Variants in ILRUN observed in about 807,000 individuals in gnomAD.
The protein encoded by ILRUN is protein ILRUN.
Under a neutral mutation model 33.8 loss-of-function variants are expected in ILRUN, and 3 were observed. That is an observed-to-expected ratio of 0.09 (90% CI 0.04 to 0.23). The LOEUF (loss-of-function observed/expected upper bound fraction) is 0.23. ILRUN is among the 10% of genes least tolerant of loss of function. The pLI, the probability that ILRUN is intolerant of heterozygous loss-of-function variation, is 1.00. For missense variants in ILRUN, 210 were observed against 375.1 expected, an observed-to-expected ratio of 0.56 and a Z score of 3.64; for synonymous variants, 124 against 138.9, an observed-to-expected ratio of 0.89 and a Z score of 0.75.
At chr6:34,638,183 G>A (rs1041269668) in intron 3 of ILRUN, among the ~76,000 whole-genome samples, 4 of 151,618 alleles carry the variant, frequency 2.6e-5, no homozygotes, top group African/African-American at 7.3e-5. Context: ...CCACCATGCC[G>A]GGCCTTCATA....
intron 2 of ILRUN, among the ~76,000 whole-genome samples, chr6:34,647,329 A>T (rs983531967): frequency 1.3e-5 from 2 of 152,218 alleles, no homozygotes; most frequent in Non-Finnish European, 2.9e-5. Flanking sequence ...TCTGGGGTCC[A>T]TAACTATAAA....
chr6:34,616,967 G>C, intron 3 of ILRUN: 1 of 558,910 alleles, frequency 1.8e-6, no homozygotes, highest in Middle Eastern at 5.1e-4. Context: ...GTCAGTAAAT[G>C]AACTAATCTA....
chr6:34,606,412 T>C (rs779774390), intron 4 of ILRUN, 143 bp downstream of exon 4: 3 of 621,356 alleles, frequency 4.8e-6, no homozygotes, highest in South Asian at 2.1e-5. Context: ...AGCTTTTGCA[T>C]TGTTGCTATT....
Position 34,590,468 on chromosome 6 carries a change from G to C in ILRUN, c.*97C>G. The C allele has an allele frequency of 6.3e-7, 1 of 1,577,368 alleles. No individual in the cohort carries two copies. The highest frequency in any genetic ancestry group is 8.7e-7 in the Non-Finnish European group (1 of 1,154,146). On this transcript the variant is annotated 3_prime_UTR_variant, in exon 5 of 5. Transcript: ENST00000374023. ...GAGAGGGGGTCAGAGCCAGGGGTCT[G>C]TGCGATGTGGTCTGCAATCCAGAGG...
At chr6:34,605,578 G>A (rs1268375897) in intron 4 of ILRUN, among the ~76,000 whole-genome samples, 2 of 152,102 alleles carry the variant, frequency 1.3e-5, no homozygotes, top group Admixed American at 6.5e-5. Context: ...GCAGTCAGCC[G>A]AGATTGTGTC....
intron 1 of ILRUN, among the ~76,000 whole-genome samples, chr6:34,690,624 C>A (rs1763627321): frequency 6.6e-6 from 1 of 151,882 alleles, no homozygotes; most frequent in Non-Finnish European, 1.5e-5. Flanking sequence ...AAAATATGAA[C>A]CCATTAAATT....
chr6:34,594,017 A>G (rs1561994209), intron 4 of ILRUN, among the ~76,000 whole-genome samples: 1 of 152,160 alleles, frequency 6.6e-6, no homozygotes, highest in Admixed American at 6.5e-5. Flanking sequence ...TGGAGTTCTA[A>G]GACCTGGTGT....
chr6:34,635,561 AAGGAAGGG>A (rs1441972416), intron 3 of ILRUN, among the ~76,000 whole-genome samples: 5 of 130,130 alleles, frequency 3.8e-5, no homozygotes, highest in African/African-American at 1.4e-4. Flanking sequence ...GGAAGGAAGG[AAGGAAGGG>A]AGGGAGGGAG....
intron 3 of ILRUN, among the ~76,000 whole-genome samples, chr6:34,607,895 C>T (rs990679741): frequency 6.6e-6 from 1 of 152,142 alleles, no homozygotes; most frequent in Non-Finnish European, 1.5e-5. Flanking sequence ...GAGTTTGAGA[C>T]CGTCCTGGGT....
Position 34,696,542 on chromosome 6 carries a change from G to A in ILRUN, c.62C>T (p.Thr21Ile). 3 of 1,613,454 alleles carry A rather than the reference G, an allele frequency of 1.9e-6. No homozygotes were observed. The highest frequency in any genetic ancestry group is 2.5e-6 in the Non-Finnish European group (3 of 1,179,858). Residue 21 changes from threonine (T) to isoleucine (I), a missense_variant, in exon 1 of 5, where the codon ACC becomes ATC. Coordinates refer to ENST00000374023, the MANE Select transcript of ILRUN (RefSeq NM_024294.4). The stretch of plus-strand genomic sequence containing the variant: ...GGAGATGAGCACGTCCTTGTCGGTG[G>A]TGCCCAGGCAGCTGAACTTCTGCAT... ...ELMQKFSCLG[T>I]TDKDVLISEF... is the part of the protein sequence containing the mutation.
intron 2 of ILRUN, among the ~76,000 whole-genome samples, chr6:34,647,322 G>C (rs1244482479): frequency 6.6e-6 from 1 of 152,138 alleles, no homozygotes; most frequent in Non-Finnish European, 1.5e-5. Flanking sequence ...CTTTTCTTCT[G>C]GGGTCCATAA....
At position 34,626,145 on chromosome 6, in the gene ILRUN, C is replaced by T. The variant is rs141789962; in HGVS notation, c.512-19241G>A. On this transcript the variant is annotated intron_variant, in intron 3 of 4. Transcript: ENST00000374023. ...GATTACAGGTGTGAGCCACTGCACCCGGCCAGGAGGCATTTTTTAACAGAT... is the reference window on the plus strand; with the variant it reads ...GATTACAGGTGTGAGCCACTGCACCTGGCCAGGAGGCATTTTTTAACAGAT... 2.4e-4 allele frequency among the ~76,000 whole-genome samples: 37 copies of T among 152,238 alleles called. No homozygotes were observed. The East Asian group carries it at 4.8e-3, about 20-fold the overall frequency.
chr6:34,683,034 T>A (rs980515004), intron 1 of ILRUN, among the ~76,000 whole-genome samples: 11 of 151,420 alleles, frequency 7.3e-5, no homozygotes, highest in African/African-American at 2.7e-4. Context: ...GAGGTTGAGA[T>A]GGGAGGATTG....
intron 1 of ILRUN, among the ~76,000 whole-genome samples, chr6:34,678,953 C>T (rs1352969841): frequency 6.8e-6 from 1 of 146,816 alleles, no homozygotes; most frequent in African/African-American, 2.5e-5. Flanking sequence ...ATAAATACAA[C>T]AGACCTTTAG....
chr6:34,661,486 G>A (rs142085413), intron 1 of ILRUN, among the ~76,000 whole-genome samples: 1 of 152,254 alleles, frequency 6.6e-6, no homozygotes, highest in East Asian at 1.9e-4. Flanking sequence ...CTGGAACTAA[G>A]AAAGTTTCTC....
intron 4 of ILRUN, among the ~76,000 whole-genome samples, chr6:34,601,734 AC>A: frequency 6.6e-6 from 1 of 151,622 alleles, no homozygotes; most frequent in South Asian, 2.1e-4. Flanking sequence ...CTAAACCCTC[AC>A]CTGGATGGAG....
At chr6:34,689,224 C>T (rs1333945084) in intron 1 of ILRUN, among the ~76,000 whole-genome samples, 1 of 151,744 alleles carries the variant, frequency 6.6e-6, no homozygotes, top group Non-Finnish European at 1.5e-5. Context: ...ATCCCAAGTA[C>T]TCAGGTGGCT....
chr6:34,618,224 C>T (rs1215147546), intron 3 of ILRUN, among the ~76,000 whole-genome samples: 2 of 152,174 alleles, frequency 1.3e-5, no homozygotes, highest in Non-Finnish European at 2.9e-5. Context: ...AGGACAGACA[C>T]AGATAAAGAC....
intron 3 of ILRUN, among the ~76,000 whole-genome samples, chr6:34,636,627 A>C (rs1229783750): frequency 6.6e-6 from 1 of 152,224 alleles, no homozygotes; most frequent in Non-Finnish European, 1.5e-5. Context: ...CTAAACAATA[A>C]TTAAGGAATA....
Sources: allele counts gnomAD v4.1 joint callset (sites outside exome capture counted in the v4.1 genomes callset), GRCh38; gene constraint gnomAD v4.1.1; transcripts MANE v1.5; gene names NCBI Gene and HGNC (gene_info 2026-07-23, HGNC 2026-07-21).